PPIL6: variants seen among roughly 807,000 people sequenced by gnomAD.
PPIL6 encodes peptidylprolyl isomerase like 6.
In PPIL6, 39 loss-of-function variants were observed where a neutral mutation model predicts 36.8. The ratio of observed to expected loss-of-function variants is 1.06; its 90% confidence interval spans 0.82 to 1.38. PPIL6 has a LOEUF of 1.38. Ranked by LOEUF, PPIL6 falls within the 40% of genes most tolerant of loss-of-function variation. PPIL6 has a pLI of 0.00. For synonymous variants in PPIL6, 123 were observed against 134.1 expected (o/e 0.92, Z 0.57); for missense variants, 368 against 379.1 (o/e 0.97, Z 0.24).
At chr6:109,437,293 C>A (rs1299357712) in intron 1 of PPIL6, among the ~76,000 whole-genome samples, 1 of 152,144 alleles carries the variant, frequency 6.6e-6, no homozygotes, top group Non-Finnish European at 1.5e-5. Context: ...CACTTCCCTG[C>A]TAGGGACAGT....
At chr6:109,421,830 G>A (rs936858295) in intron 5 of PPIL6, among the ~76,000 whole-genome samples, 7 of 152,044 alleles carry the variant, frequency 4.6e-5, no homozygotes. Context: ...CTTGAGGCCA[G>A]GAGTTCAAGA....
chr6:109,422,575 C>T (rs2115253848), intron 5 of PPIL6, among the ~76,000 whole-genome samples: 1 of 151,844 alleles, frequency 6.6e-6, no homozygotes, highest in Non-Finnish European at 1.5e-5. Context: ...AGCGACAGAA[C>T]AAGACCCTGT....
At chr6:109,410,435 T>C (rs1303687574) in intron 6 of PPIL6, among the ~76,000 whole-genome samples, 4 of 152,156 alleles carry the variant, frequency 2.6e-5, no homozygotes. Context: ...GGCTGCTGGA[T>C]TGTCATGAAC....
At chr6:109,394,005 C>G (rs1276946163) in intron 7 of PPIL6, among the ~76,000 whole-genome samples, 1 of 152,194 alleles carries the variant, frequency 6.6e-6, no homozygotes, top group Non-Finnish European at 1.5e-5. Flanking sequence ...GGCTCAGTGC[C>G]TAGCATAATG....
rs142690283 is a variant in PPIL6 at position 109,415,845 on chromosome 6, G to A, written c.688+3342C>T. ...CTGAATTAGACATGTTGTGTTTGGG[G>A]ACTAGTAGACCACTTTGATGCCTTT... On this transcript the variant is annotated intron_variant, in intron 6 of 7. Transcript: ENST00000521072. Among the ~76,000 whole-genome samples the A allele has an allele frequency of 2.0e-5, 3 of 152,266 alleles. No homozygotes were observed. The East Asian group carries it at 5.8e-4, about 29-fold the overall frequency.
intron 2 of PPIL6, among the ~76,000 whole-genome samples, chr6:109,435,229 G>A (rs189243528): frequency 2.6e-5 from 4 of 152,170 alleles, no homozygotes; most frequent in East Asian, 3.9e-4. Context: ...CATCATCAGC[G>A]GCAAACGGCA....
chr6:109,424,018 C>A (rs191408691), intron 5 of PPIL6, among the ~76,000 whole-genome samples: 2 of 152,082 alleles, frequency 1.3e-5, no homozygotes, highest in East Asian at 3.9e-4. Context: ...AGACAATAAA[C>A]AAATGAACTA....
chr6:109,422,090 C>T (rs1773577678), intron 5 of PPIL6, among the ~76,000 whole-genome samples: 1 of 152,092 alleles, frequency 6.6e-6, no homozygotes, highest in East Asian at 1.9e-4. Context: ...ATTGGCCAGA[C>T]TGGTCTCGAA....
At chr6:109,432,796 G>C (rs1022351356) in intron 2 of PPIL6, among the ~76,000 whole-genome samples, 3 of 152,002 alleles carry the variant, frequency 2.0e-5, no homozygotes, top group Non-Finnish European at 4.4e-5. Context: ...AGGAGGTGCT[G>C]ATGTTGCTGT....
At chr6:109,397,258 G>T (rs1361456341) in intron 7 of PPIL6, among the ~76,000 whole-genome samples, 1 of 151,696 alleles carries the variant, frequency 6.6e-6, no homozygotes, top group Non-Finnish European at 1.5e-5. Flanking sequence ...GGACAGAGTG[G>T]TGATAACAAA....
intron 2 of PPIL6, among the ~76,000 whole-genome samples, chr6:109,434,995 G>A (rs945853217): frequency 7.2e-5 from 11 of 152,180 alleles, no homozygotes; most frequent in African/African-American, 2.4e-4. Flanking sequence ...AGAATGCAGA[G>A]AAGGAAGCTT....
chr6:109,414,013 C>G (rs1233314256), intron 6 of PPIL6, among the ~76,000 whole-genome samples: 1 of 145,944 alleles, frequency 6.9e-6, no homozygotes. Context: ...TTAATAGGCA[C>G]AAAAAAAAAG....
chr6:109,436,268 T>C, intron 1 of PPIL6, 69 bp from the exon 2 acceptor site: 2 of 932,194 alleles, frequency 2.1e-6, no homozygotes, highest in Middle Eastern at 2.7e-4. Flanking sequence ...TGTTCCCCAA[T>C]TTTTACGGGG....
intron 6 of PPIL6, among the ~76,000 whole-genome samples, chr6:109,415,980 A>G (rs1295554525): frequency 1.3e-5 from 2 of 152,112 alleles, no homozygotes; most frequent in African/African-American, 4.8e-5. Flanking sequence ...CTTCAGGGAG[A>G]ATGTATTGAT....
intron 7 of PPIL6, among the ~76,000 whole-genome samples, chr6:109,396,395 G>C (rs1320002165): frequency 6.6e-6 from 1 of 152,160 alleles, no homozygotes; most frequent in African/African-American, 2.4e-5. Flanking sequence ...AGTCCATTGG[G>C]AGTTGGACCC....
intron 6 of PPIL6, 98 bp downstream of exon 6, chr6:109,419,089 C>A: frequency 2.5e-6 from 2 of 795,914 alleles, no homozygotes; most frequent in Non-Finnish European, 4.3e-6. Flanking sequence ...GTAAGTATTG[C>A]CCCCAGTGAT....
intron 6 of PPIL6, among the ~76,000 whole-genome samples, chr6:109,405,361 G>A (rs1016097582): frequency 6.6e-6 from 1 of 152,042 alleles, no homozygotes; most frequent in Non-Finnish European, 1.5e-5. Context: ...AAAAAAAATT[G>A]GTTATGCTTT....
intron 5 of PPIL6, among the ~76,000 whole-genome samples, chr6:109,420,067 GAC>G (rs1363527745): frequency 1.3e-5 from 2 of 151,684 alleles, no homozygotes; most frequent in Non-Finnish European, 2.9e-5. Context: ...CAGGCGCGGT[GAC>G]ACACCTGTAA....
At chr6:109,399,999 G>A in intron 7 of PPIL6, 36 bp downstream of exon 7, 2 of 1,514,064 alleles carry the variant, frequency 1.3e-6, no homozygotes, top group Non-Finnish European at 1.8e-6. Flanking sequence ...TTTTACAGGT[G>A]TGAATATTAT....
Sources: gnomAD v4.1 joint callset for allele counts (sites outside exome capture counted in the v4.1 genomes callset) on GRCh38, gnomAD v4.1.1 for gene constraint, MANE v1.5 for transcripts, NCBI Gene and HGNC (gene_info 2026-07-23, HGNC 2026-07-21) for gene names.